The following JAK1 variants were observed in gnomAD, a reference collection of about 807,000 sequenced individuals.
JAK1 encodes Janus kinase 1.
Under a neutral mutation model 136.6 loss-of-function variants are expected in JAK1, and 16 were observed. The ratio of observed to expected loss-of-function variants is 0.12; its 90% CI spans 0.08 to 0.18. JAK1 has a LOEUF of 0.18. JAK1 is among the 10% of genes least tolerant of loss of function. The probability of loss-of-function intolerance (pLI) is 1.00; values close to 1 mark genes in which losing one functional copy is unlikely to be tolerated. For missense variants in JAK1, 859 were observed against 1,450.1 expected (o/e 0.59, Z 6.62); for synonymous variants, 492 against 519.5 (o/e 0.95, Z 0.72).
Position 65,067,134 on chromosome 1 carries a change from G to GGGGCC in JAK1, c.-181+469_-181+470insGGCCC, listed in dbSNP as rs1557784595. ...CCCTCGCAGTCGGTCCCGGAGTGCG[G>GGGGCC]AGGCCCGGCCCGGCCCGCCCCGCGC... On this transcript the variant is annotated intron_variant, in intron 1 of 25. Coordinates refer to the JAK1 transcript ENST00000671954. Among the ~76,000 whole-genome samples the GGGGCC allele has an allele frequency of 4.6e-5, 7 of 151,924 alleles. No individual in the cohort carries two copies. The East Asian group carries it at 7.8e-4, about 17-fold the overall frequency.
At chr1:65,044,251 G>T (rs1355910453) in intron 2 of JAK1, among the ~76,000 whole-genome samples, 1 of 152,182 alleles carries the variant, frequency 6.6e-6, no homozygotes, top group African/African-American at 2.4e-5. Context: ...GGCTGGGTTT[G>T]GAGGCTCAGC....
intron 1 of JAK1, among the ~76,000 whole-genome samples, chr1:65,046,840 G>A (rs1429649432): frequency 2.3e-5 from 3 of 131,034 alleles, no homozygotes; most frequent in South Asian, 2.3e-4. Flanking sequence ...GTGAGCCACC[G>A]CAGTGTGAGC....
At chr1:64,904,447 A>G (rs955891487) in intron 1 of JAK1, among the ~76,000 whole-genome samples, 18 of 152,348 alleles carry the variant, frequency 1.2e-4, no homozygotes, top group African/African-American at 4.3e-4. Context: ...CTGGTTAAAC[A>G]TAGTTAAATA....
Position 64,994,849 on chromosome 1 carries a change from C to T in JAK1, c.-78+49631G>A, listed in dbSNP as rs1267150757. ...CACTGGACAAGAAACTTCAAGGCAA[C>T]TCTCATAATCAGTCTCTAAATTAGG... On this transcript the variant is annotated intron_variant, in intron 2 of 25. Transcript: ENST00000671954. 3 of 151,056 alleles carry T rather than the reference C, an allele frequency of 2.0e-5. No individual in the cohort carries two copies. The East Asian group carries it at 5.8e-4, about 29-fold the overall frequency. The allele number at this position is 151,056 out of a possible 1,614,324, so 9.4% of individuals were successfully genotyped here.
intron 2 of JAK1, among the ~76,000 whole-genome samples, chr1:65,001,084 G>A (rs368598599): frequency 6.6e-6 from 1 of 152,082 alleles, no homozygotes; most frequent in African/African-American, 2.4e-5. Flanking sequence ...AAAATGGGGC[G>A]TTGGAAGGGG....
In JAK1 at chr1:64,855,603, G is replaced by A. The variant is rs1234137873; in HGVS notation, c.1554C>T (p.Ser518=). 1.2e-6 allele frequency: 2 copies of A among 1,614,188 alleles called. No individual in the cohort carries two copies. Among genetic ancestry groups the A allele is most frequent in the East Asian group, 2.2e-5 (1 of 44,888 alleles). The change falls in exon 11 of 25, where the codon AGC becomes AGT. Residue 518 remains serine (S), a synonymous_variant. Transcript: ENST00000342505. ...TGAGGTGGCTCATGAGGTCTCCCAA[G>A]CTGGGGAAGCTGCGGTCCGAACCGT... ...SLHGSDRSFP[S]LGDLMSHLKK...
At chr1:64,835,345 G>A (rs768859887) in intron 24 of JAK1, 51 bp downstream of exon 24, 10 of 1,017,236 alleles carry the variant, frequency 9.8e-6, no homozygotes, top group South Asian at 3.0e-5. Context: ...CTCAAGCTGC[G>A]AAAACATAAT....
At chr1:64,950,865 C>T (rs549029453) in intron 1 of JAK1, among the ~76,000 whole-genome samples, 3 of 152,322 alleles carry the variant, frequency 2.0e-5, no homozygotes, top group Admixed American at 1.3e-4. Context: ...AAAACAATCC[C>T]TAAAGTGGTG....
chr1:65,046,771 A>G (rs1345350981), intron 1 of JAK1, among the ~76,000 whole-genome samples: 2 of 151,616 alleles, frequency 1.3e-5, no homozygotes, highest in East Asian at 3.9e-4. Flanking sequence ...GCTGGTGTCG[A>G]ACTCCTGGCC....
At position 64,867,080 on chromosome 1, in the gene JAK1, C is replaced by T. The variant is rs778805182; in HGVS notation, c.776G>A (p.Ser259Asn). ...CTTCAGGTCATGCGTGGACACGCTG[C>T]TGTCACAAATGGTCTTGTTGTTAAA... is the stretch of plus-strand genomic sequence containing the variant. ...KEFNNKTICD[S>N]SVSTHDLKVK... Residue 259 changes from serine to asparagine, a missense_variant, in exon 7 of 25, where the codon AGC becomes AAC. Coordinates refer to ENST00000342505, the MANE Select transcript of JAK1 (RefSeq NM_002227.4). The T allele has an allele frequency of 5.0e-6, 8 of 1,614,028 alleles. No individual in the cohort carries two copies. In the African/African-American group the frequency reaches 9.3e-5, roughly 19 times the overall value.
Position 64,954,853 on chromosome 1 carries a change from G to A in JAK1, c.-78+11480C>T, listed in dbSNP as rs1452528495. 5.9e-5 allele frequency among the ~76,000 whole-genome samples: 9 copies of A among 152,130 alleles called. No individual in the cohort carries two copies. The East Asian group carries it at 1.5e-3, about 26-fold the overall frequency. ...ACGTATCTTTGAGCTTTCTAGCAAG[G>A]AAACATAATGAGTTACAGATCACAT... On this transcript the variant is annotated intron_variant, in intron 1 of 24. Coordinates refer to ENST00000342505, the MANE Select transcript of JAK1 (RefSeq NM_002227.4).
chr1:64,967,185 G>A (rs781381544), upstream of JAK1, among the ~76,000 whole-genome samples: 8 of 152,094 alleles, frequency 5.3e-5, no homozygotes, highest in Non-Finnish European at 2.9e-5. Flanking sequence ...TATCCATGAG[G>A]AACAAATTAA....
At chr1:64,837,024 T>C (rs1654524495) in intron 22 of JAK1, among the ~76,000 whole-genome samples, 2 of 152,224 alleles carry the variant, frequency 1.3e-5, no homozygotes, top group African/African-American at 4.8e-5. Flanking sequence ...TCGACTGCTC[T>C]TGTCTCATTC....
intron 4 of JAK1, among the ~76,000 whole-genome samples, chr1:64,877,250 G>A (rs181051820): frequency 4.7e-4 from 71 of 152,184 alleles, no homozygotes; most frequent in Non-Finnish European, 9.1e-4. Context: ...TTTCATTTAC[G>A]CCTCCTTTAG....
chr1:65,011,216 C>T lies in JAK1; in HGVS notation c.-78+33264G>A, dbSNP rs115588192. ...TCTGGCTGGACACGGTGGCTTATGC[C>T]TGTAATCTCAGCACTTTAGCAGGCC... is the stretch of plus-strand genomic sequence containing the variant. On this transcript the variant is annotated intron_variant, in intron 2 of 25. Coordinates refer to the JAK1 transcript ENST00000671954. Among the ~76,000 whole-genome samples the T allele has an allele frequency of 7.2e-3, 1,092 of 152,128 alleles. 6 individuals carry two copies. Among genetic ancestry groups the T allele is most frequent in the African/African-American group, 0.025 (1,022 of 41,518 alleles).
intron 2 of JAK1, among the ~76,000 whole-genome samples, chr1:64,988,644 A>G (rs1473949604): frequency 6.6e-6 from 1 of 152,076 alleles, no homozygotes; most frequent in Non-Finnish European, 1.5e-5. Context: ...GCATTTTGGG[A>G]GGTCAAGACA....
At chr1:64,887,024 G>T (rs1644863036) in intron 1 of JAK1, among the ~76,000 whole-genome samples, 1 of 152,204 alleles carries the variant, frequency 6.6e-6, no homozygotes, top group Non-Finnish European at 1.5e-5. Context: ...AGCGAAGGGG[G>T]AGAGGGAGAT....
chr1:64,905,441 G>A (rs1645175165), intron 1 of JAK1, among the ~76,000 whole-genome samples: 1 of 152,144 alleles, frequency 6.6e-6, no homozygotes, highest in Non-Finnish European at 1.5e-5. Context: ...AATTTTTTTA[G>A]TATGAGAATC....
intron 4 of JAK1, among the ~76,000 whole-genome samples, chr1:64,878,425 T>C (rs1017466045): frequency 6.6e-6 from 1 of 151,986 alleles, no homozygotes; most frequent in African/African-American, 2.4e-5. Context: ...CAAGGAGTAG[T>C]CAAAACATCC....
Sources: allele counts gnomAD v4.1 joint callset (sites outside exome capture counted in the v4.1 genomes callset), GRCh38; gene constraint gnomAD v4.1.1; transcripts MANE v1.5; gene names NCBI Gene and HGNC (gene_info 2026-07-23, HGNC 2026-07-21).